MFSD8: variants seen among roughly 807,000 people sequenced by gnomAD.
The protein encoded by MFSD8 is major facilitator superfamily domain containing 8.
In MFSD8, 55 loss-of-function variants were observed where a neutral mutation model predicts 66.4. The observed-to-expected ratio is 0.83, with a 90% CI of 0.67 to 1.04. The LOEUF (loss-of-function observed/expected upper bound fraction) is 1.04. Among genes scored for constraint, MFSD8 ranks in the 50% least tolerant of loss-of-function variants. The pLI is 0.00. For synonymous variants in MFSD8, 202 were observed against 212.8 expected, an observed-to-expected ratio of 0.95 and a Z score of 0.44; for missense variants, 550 against 627.6, an observed-to-expected ratio of 0.88 and a Z score of 1.32.
rs751696703 is a variant in MFSD8 at position 127,942,160 on chromosome 4, T to A, written c.440-2A>T. ...ATGATCTAACAACTGCTACATTTCC[T>A]TAAAAACAAGACACAATAATCCAAA... On this transcript the variant is annotated splice_acceptor_variant, in intron 4 of 11. Transcript: ENST00000641686. LOFTEE classifies it high-confidence loss of function. 6.2e-7 allele frequency: 1 copy of A among 1,600,770 alleles called. No homozygotes were observed. The highest frequency in any genetic ancestry group is 8.6e-7 in the Non-Finnish European group (1 of 1,168,162).
Position 127,920,591 on chromosome 4 carries a change from GC to G in MFSD8, c.*38del. On this transcript the variant is annotated 3_prime_UTR_variant, in exon 12 of 12. Coordinates refer to ENST00000641686, the MANE Select transcript of MFSD8 (RefSeq NM_001371596.2). ...CTAGCAGAGCTTTAGACCAGGAAGT[GC>G]CACACAGCAAGTAGTTTCCATCACA... is the stretch of plus-strand genomic sequence containing the variant. The G allele has an allele frequency of 6.2e-7, 1 of 1,601,058 alleles. No homozygotes were observed. The highest frequency in any genetic ancestry group is 1.1e-5 in the South Asian group (1 of 90,794).
intron 6 of MFSD8, 117 bp downstream of exon 6, chr4:127,939,736 A>G: frequency 8.6e-7 from 1 of 1,168,636 alleles, no homozygotes; most frequent in Non-Finnish European, 1.2e-6. Flanking sequence ...AAATATAAAC[A>G]AACTATAGAC....
rs573433421 is a variant in MFSD8, at chr4:127,925,226, A to G, written c.999-3263T>C. On this transcript the variant is annotated intron_variant, in intron 9 of 11. Coordinates refer to ENST00000641686, the MANE Select transcript of MFSD8 (RefSeq NM_001371596.2). The stretch of plus-strand genomic sequence containing the variant: ...AACACCAAAAGCAATGGCAACAAAA[A>G]CCAAAATTGATAAATGGGATCTAAT... Among the ~76,000 whole-genome samples, 29 of 152,180 alleles carry G rather than the reference A, an allele frequency of 1.9e-4. No individual in the cohort carries two copies. In the South Asian group the frequency reaches 5.4e-3, roughly 28 times the overall value.
At chr4:127,926,282 G>C (rs1382042925) in intron 9 of MFSD8, among the ~76,000 whole-genome samples, 1 of 23,050 alleles carries the variant, frequency 4.3e-5, no homozygotes, top group Non-Finnish European at 9.2e-5. Flanking sequence ...AGGCTGAGGA[G>C]GACGGATCAT....
intron 1 of MFSD8, among the ~76,000 whole-genome samples, chr4:127,964,003 C>CA (rs1284460708): frequency 6.6e-6 from 1 of 152,192 alleles, no homozygotes; most frequent in African/African-American, 2.4e-5. Flanking sequence ...TAGCTAGATA[C>CA]AGAGTGTCGA....
intron 9 of MFSD8, among the ~76,000 whole-genome samples, chr4:127,928,325 G>T (rs1446551947): frequency 6.6e-6 from 1 of 152,030 alleles, no homozygotes; most frequent in Non-Finnish European, 1.5e-5. Context: ...CACCATGTTG[G>T]CCAGACTGGT....
chr4:127,946,709 G>GT (rs1481313928), intron 3 of MFSD8, among the ~76,000 whole-genome samples: 1 of 152,106 alleles, frequency 6.6e-6, no homozygotes, highest in Non-Finnish European at 1.5e-5. Flanking sequence ...AAGGTCAGGA[G>GT]TTTGAGACCA....
In MFSD8 at chr4:127,921,535, G is replaced by A. The variant is rs1194414309; in HGVS notation, c.1339C>T (p.Pro447Ser). The A allele has an allele frequency of 1.2e-6, 2 of 1,613,988 alleles. No individual in the cohort carries two copies. The highest frequency in any genetic ancestry group is 1.7e-6 in the Non-Finnish European group (2 of 1,180,018). ...GGTACCTGGCTTACCTGAGGTTTTG[G>A]TCCTAGAATTTTTGAATATAGAGTA... ...SYTLYSKILGPKPQGVYMGWL... is the reference protein window; with the variant it reads ...SYTLYSKILGSKPQGVYMGWL... The change falls in exon 11 of 12, where the codon CCA becomes TCA. Residue 447 changes from proline to serine, a missense_variant. Pro to Ser is a moderately conservative substitution (Grantham distance 74, BLOSUM62 -1). Coordinates refer to ENST00000641686, the MANE Select transcript of MFSD8 (RefSeq NM_001371596.2).
At chr4:127,955,187 G>A (rs1742640786) in intron 2 of MFSD8, among the ~76,000 whole-genome samples, 1 of 152,126 alleles carries the variant, frequency 6.6e-6, no homozygotes, top group African/African-American at 2.4e-5. Flanking sequence ...CACCCATATT[G>A]ACAGCAGCAC....
At chr4:127,921,800 T>C (rs1736375769) in intron 10 of MFSD8, 29 bp from the exon 11 acceptor site, 1 of 1,613,774 alleles carries the variant, frequency 6.2e-7, no homozygotes, top group East Asian at 2.2e-5. Context: ...TGCAGTGCAT[T>C]ACTTGTTGAT....
intron 2 of MFSD8, among the ~76,000 whole-genome samples, chr4:127,952,699 G>A (rs962299592): frequency 2.6e-5 from 4 of 151,740 alleles, no homozygotes; most frequent in Admixed American, 2.0e-4. Context: ...GTGAAACCCC[G>A]TCTCTACTAA....
Position 127,920,378 on chromosome 4 carries a change from C to T in MFSD8, c.*252G>A. ...CCATTCACTCATTAGTTCATGCAAC[C>T]ACAAAAAGGTATTATAAGAATAATA... On this transcript the variant is annotated 3_prime_UTR_variant, in exon 12 of 12. Coordinates refer to ENST00000641686, the MANE Select transcript of MFSD8 (RefSeq NM_001371596.2). 2.0e-6 allele frequency: 1 copy of T among 488,010 alleles called. No individual in the cohort carries two copies. Among genetic ancestry groups the T allele is most frequent in the Non-Finnish European group, 3.7e-6 (1 of 267,900 alleles). The allele number at this position is 488,010 out of a possible 1,614,324, so 30.2% of individuals were successfully genotyped here. A position where few individuals can be genotyped will look rare whatever the true frequency, so the allele number is the denominator to read the frequency against.
chr4:127,956,142 T>G (rs866029730), intron 2 of MFSD8, among the ~76,000 whole-genome samples: 1 of 150,174 alleles, frequency 6.7e-6, no homozygotes, highest in Non-Finnish European at 1.5e-5. Context: ...ATAATAAAAT[T>G]TTTTTAAAAA....
chr4:127,925,866 A>G (rs548606598), intron 9 of MFSD8, among the ~76,000 whole-genome samples: 11 of 152,358 alleles, frequency 7.2e-5, no homozygotes, highest in African/African-American at 2.2e-4. Context: ...CAGACTGGAT[A>G]AAGAAAATGT....
intron 4 of MFSD8, chr4:127,943,326 C>T (rs186118657): frequency 1.3e-4 from 28 of 207,574 alleles, no homozygotes; most frequent in Admixed American, 1.1e-3. Flanking sequence ...TCTCAAGGGG[C>T]AGGGTAGCCC....
chr4:127,957,657 C>A (rs1450477818), intron 1 of MFSD8, 65 bp from the exon 2 acceptor site: 10 of 1,055,444 alleles, frequency 9.5e-6, no homozygotes, highest in Non-Finnish European at 2.9e-6. Flanking sequence ...TAAGTGTCAA[C>A]AGTTTTATTC....
chr4:127,929,162 TA>T (rs539170843), intron 9 of MFSD8, among the ~76,000 whole-genome samples: 72 of 140,928 alleles, frequency 5.1e-4, no homozygotes, highest in Admixed American at 1.8e-3. Flanking sequence ...GTACTAAAAA[TA>T]AAAAAAAAAA....
At chr4:127,944,066 A>C in intron 3 of MFSD8, 74 bp from the exon 4 acceptor site, 1 of 1,584,740 alleles carries the variant, frequency 6.3e-7, no homozygotes, top group Non-Finnish European at 8.6e-7. Context: ...TTGTCATACC[A>C]TGTAAGATTT....
At chr4:127,930,193 T>C (rs184066661) in intron 9 of MFSD8, among the ~76,000 whole-genome samples, 1 of 152,238 alleles carries the variant, frequency 6.6e-6, no homozygotes, top group Non-Finnish European at 1.5e-5. Flanking sequence ...TGAGCCATGA[T>C]TGCACCACTG....
Sources: gnomAD v4.1 joint callset for allele counts (sites outside exome capture counted in the v4.1 genomes callset) on GRCh38, gnomAD v4.1.1 for gene constraint, MANE v1.5 for transcripts, NCBI Gene and HGNC (gene_info 2026-07-23, HGNC 2026-07-21) for gene names.